The following GPATCH2L variants were observed in gnomAD, a reference collection of about 807,000 sequenced individuals.
GPATCH2L encodes G-patch domain containing 2 like, also known as G patch domain-containing protein 2-like.
GPATCH2L carries 31 observed loss-of-function variants against 57.4 expected under a neutral mutation model. That is an observed-to-expected ratio of 0.54 (90% CI 0.41 to 0.73). The LOEUF is 0.73. Ranked by LOEUF, GPATCH2L falls within the 30% of genes least tolerant of loss-of-function variation. The pLI, the probability that GPATCH2L is intolerant of heterozygous loss-of-function variation, is 0.00. For synonymous variants in GPATCH2L, 199 were observed against 210.7 expected, an observed-to-expected ratio of 0.94 and a Z score of 0.48; for missense variants, 481 against 599.9, an observed-to-expected ratio of 0.80 and a Z score of 2.07.
rs777320039 is a variant in GPATCH2L at position 76,154,734 on chromosome 14, G to A, written c.371G>A (p.Arg124Gln). 3.7e-6 allele frequency: 6 copies of A among 1,614,146 alleles called. No homozygotes were observed. Among genetic ancestry groups the A allele is most frequent in the South Asian group, 1.1e-5 (1 of 91,070 alleles). The change falls in exon 2 of 10, where the codon CGA becomes CAA. Residue 124 changes from arginine (R) to glutamine (Q), a missense_variant. Arg to Gln is a conservative substitution (Grantham distance 43). Coordinates refer to ENST00000261530, the MANE Select transcript of GPATCH2L (RefSeq NM_017926.4). This position sits in a 1 kb window ranked among gnomAD's most constrained non-coding sequence, Gnocchi z 4.4. Reference protein sequence around the residue: ...SDSFTENAPCRPLRRRRKVKR... With the variant: ...SDSFTENAPCQPLRRRRKVKR... Reference sequence around the variant, plus strand: ...TCCTTTACTGAAAATGCACCTTGTCGACCACTCAGGCGCAGGCGGAAGGTG... The same window carrying A: ...TCCTTTACTGAAAATGCACCTTGTCAACCACTCAGGCGCAGGCGGAAGGTG...
At position 76,212,149 on chromosome 14, in the gene GPATCH2L, A is replaced by C. The variant is rs1490564566; in HGVS notation, c.*10298A>C. On this transcript the variant is annotated 3_prime_UTR_variant, in exon 10 of 10. Coordinates refer to ENST00000261530, the MANE Select transcript of GPATCH2L (RefSeq NM_017926.4). ...AAAATTCAGACTGCTAATTATGAGA[A>C]AAAACATGTATGCACAACCAAACAA... 6.6e-6 allele frequency: 1 copy of C among 152,204 alleles called. No homozygotes were observed. Among genetic ancestry groups the C allele is most frequent in the Non-Finnish European group, 1.5e-5 (1 of 68,030 alleles). The allele number at this position is 152,204 out of a possible 1,614,324, so 9.4% of individuals were successfully genotyped here.
chr14:76,190,822 A>G (rs2039936732), intron 8 of GPATCH2L, among the ~76,000 whole-genome samples: 1 of 152,128 alleles, frequency 6.6e-6, no homozygotes, highest in Non-Finnish European at 1.5e-5. Flanking sequence ...TCCCCAGCCT[A>G]CTGAATTAGG....
Position 76,211,532 on chromosome 14 carries a change from G to A in GPATCH2L, c.*9681G>A, listed in dbSNP as rs2040440232. On this transcript the variant is annotated 3_prime_UTR_variant, in exon 10 of 10. Transcript: ENST00000261530. ...TGTTCTAGCATGATACCAGTCTGAGGTTATTCCCCTTGAACCACCGACTTA... is the reference window on the plus strand; with the variant it reads ...TGTTCTAGCATGATACCAGTCTGAGATTATTCCCCTTGAACCACCGACTTA... The A allele has an allele frequency of 6.6e-6, 1 of 152,158 alleles. No individual in the cohort carries two copies. The highest frequency in any genetic ancestry group is 1.5e-5 in the Non-Finnish European group (1 of 68,032). The allele number at this position is 152,158 out of a possible 1,614,324, so 9.4% of individuals were successfully genotyped here.
chr14:76,195,824 C>G (rs1239607776), intron 8 of GPATCH2L, 54 bp from the exon 9 acceptor site: 1 of 1,317,450 alleles, frequency 7.6e-7, no homozygotes, highest in Non-Finnish European at 1.1e-6. Flanking sequence ...CATGTAATGT[C>G]TTACAATAAG....
At chr14:76,169,900 T>A (rs1566783692) in intron 3 of GPATCH2L, among the ~76,000 whole-genome samples, 1 of 152,194 alleles carries the variant, frequency 6.6e-6, no homozygotes, top group Non-Finnish European at 1.5e-5. Context: ...CAAAACGTGG[T>A]CCCCAGGCCA....
At chr14:76,173,228 G>T (rs983494859) in intron 4 of GPATCH2L, among the ~76,000 whole-genome samples, 9 of 152,028 alleles carry the variant, frequency 5.9e-5, no homozygotes, top group African/African-American at 1.9e-4. Flanking sequence ...TTATGTTTGT[G>T]TGGTGTTTTC....
chr14:76,178,974 G>A (rs193188396), intron 7 of GPATCH2L: 7 of 152,218 alleles, frequency 4.6e-5, no homozygotes, highest in African/African-American at 1.4e-4. Flanking sequence ...TTTTTTTGGA[G>A]GATTGCATTA....
chr14:76,154,221 G>A lies in GPATCH2L; in HGVS notation c.-10-133G>A. ...AGCCAGATGAAAGGTGACTTATTTTGTTTAGACAGGCAGAACTGTGGACTA... is the reference window on the plus strand; with the variant it reads ...AGCCAGATGAAAGGTGACTTATTTTATTTAGACAGGCAGAACTGTGGACTA... On this transcript the variant is annotated intron_variant, in intron 1 of 9. Coordinates refer to ENST00000261530, the MANE Select transcript of GPATCH2L (RefSeq NM_017926.4). The surrounding 1 kb of genome is among the most constrained non-coding windows in gnomAD (Gnocchi z 4.4). 1 of 693,550 alleles carries A rather than the reference G, an allele frequency of 1.4e-6. No homozygotes were observed. Among genetic ancestry groups the A allele is most frequent in the Non-Finnish European group, 2.4e-6 (1 of 422,606 alleles). 43.0% of individuals were successfully genotyped at this position (693,550 alleles called of 1,614,324 possible).
rs1462639928 is a variant in GPATCH2L at position 76,154,653 on chromosome 14, A to G, written c.290A>G (p.His97Arg). The G allele has an allele frequency of 6.2e-7, 1 of 1,614,190 alleles. No individual in the cohort carries two copies. Among genetic ancestry groups the G allele is most frequent in the Non-Finnish European group, 8.5e-7 (1 of 1,180,030 alleles). ...DSDDTMVAKR[H>R]PALNAIVKSK... ...GATGACACAATGGTAGCCAAACGAC[A>G]CCCAGCTCTCAATGCCATTGTCAAG... Residue 97 changes from histidine (H) to arginine (R), a missense_variant, in exon 2 of 10, where the codon CAC (histidine) becomes CGC (arginine). Transcript: ENST00000261530. This position sits in a 1 kb window ranked among gnomAD's most constrained non-coding sequence, Gnocchi z 4.4.
chr14:76,163,045 C>A (rs2543389), intron 2 of GPATCH2L, among the ~76,000 whole-genome samples: 31,200 of 152,034 alleles, frequency 0.21, 3,532 homozygotes, highest in African/African-American at 0.3. Flanking sequence ...GTATCTTCTG[C>A]ATAGAGAAAC....
chr14:76,156,637 T>G (rs566535503), intron 2 of GPATCH2L, among the ~76,000 whole-genome samples: 1 of 152,362 alleles, frequency 6.6e-6, no homozygotes, highest in Admixed American at 6.5e-5. Context: ...TTCAAGTTTG[T>G]TTTAATATTG....
At chr14:76,199,673 C>T (rs2040258514) in intron 9 of GPATCH2L, among the ~76,000 whole-genome samples, 1 of 151,930 alleles carries the variant, frequency 6.6e-6, no homozygotes, top group Non-Finnish European at 1.5e-5. Flanking sequence ...GGTGTTGGTG[C>T]AGATGTGGAG....
intron 8 of GPATCH2L, among the ~76,000 whole-genome samples, chr14:76,193,207 A>G (rs151163745): frequency 2.2e-4 from 33 of 152,266 alleles, no homozygotes; most frequent in African/African-American, 7.2e-4. Flanking sequence ...ATTTTAGTGT[A>G]TAAATGGTTT....
chr14:76,222,543 G>T (rs138609831), intron 1 of GPATCH2L, among the ~76,000 whole-genome samples: 74 of 152,156 alleles, frequency 4.9e-4, no homozygotes, highest in Middle Eastern at 3.4e-3. Flanking sequence ...GGAGGTCAAG[G>T]CTGCAATGAG....
At chr14:76,199,640 A>G (rs999112418) in intron 9 of GPATCH2L, among the ~76,000 whole-genome samples, 1 of 152,196 alleles carries the variant, frequency 6.6e-6, no homozygotes, top group Non-Finnish European at 1.5e-5. Context: ...TAGGATGGCT[A>G]TATCAAAAAA....
rs1389332014 is a variant in GPATCH2L at position 76,211,208 on chromosome 14, G to A, written c.*9357G>A. ...GCTTACAGAGGAACAAAGAGAGAAA[G>A]GCAAGAGCCAGGAAGTGAAGGGTCC... On this transcript the variant is annotated 3_prime_UTR_variant, in exon 10 of 10. Transcript: ENST00000261530. 6.6e-6 allele frequency: 1 copy of A among 152,232 alleles called. No homozygotes were observed. Among genetic ancestry groups the A allele is most frequent in the Admixed American group, 6.5e-5 (1 of 15,268 alleles). The allele number at this position is 152,232 out of a possible 1,614,324, so 9.4% of individuals were successfully genotyped here.
At chr14:76,229,004 G>T (rs2040548766) in intron 1 of GPATCH2L, among the ~76,000 whole-genome samples, 1 of 152,182 alleles carries the variant, frequency 6.6e-6, no homozygotes, top group Non-Finnish European at 1.5e-5. Context: ...ATGGATGTGG[G>T]ACCAGGGGTC....
At chr14:76,223,777 C>T (rs1050421730) in intron 1 of GPATCH2L, among the ~76,000 whole-genome samples, 3 of 152,098 alleles carry the variant, frequency 2.0e-5, no homozygotes, top group African/African-American at 7.2e-5. Context: ...CAAAAAGACT[C>T]GAGTAAGCAT....
At chr14:76,215,765 G>A (rs1194331259), downstream of GPATCH2L, among the ~76,000 whole-genome samples, 1 of 118,164 alleles carries the variant, frequency 8.5e-6, no homozygotes, top group Non-Finnish European at 1.7e-5. Flanking sequence ...GGGGACTGTG[G>A]TGGGGTGGGG....
Sources: gnomAD v4.1 joint callset for allele counts (sites outside exome capture counted in the v4.1 genomes callset) on GRCh38, gnomAD v4.1.1 for gene constraint, Gnocchi (gnomAD v3.1) non-coding constraint, MANE v1.5 for transcripts, NCBI Gene and HGNC (gene_info 2026-07-23, HGNC 2026-07-21) for gene names.